Variants in SP100 observed in about 807,000 individuals in gnomAD.
The protein encoded by SP100 is nuclear autoantigen Sp-100.
A neutral mutation model predicts 130.0 loss-of-function variants in SP100; 84 were observed. The ratio of observed to expected loss-of-function variants is 0.65; its 90% CI spans 0.54 to 0.77. The LOEUF (loss-of-function observed/expected upper bound fraction) is 0.77, where lower values mean the gene tolerates loss of function less well. Ranked by LOEUF, SP100 falls within the 30% of genes least tolerant of loss-of-function variation. SP100 has a pLI of 0.00. For synonymous variants in SP100, 331 were observed against 351.7 expected (o/e 0.94, Z 0.66); for missense variants, 978 against 1,052.2 (o/e 0.93, Z 0.97).
chr2:230,468,691 G>A (rs564894890), intron 13 of SP100: 49 of 165,900 alleles, frequency 3.0e-4, no homozygotes, highest in African/African-American at 1.1e-3. Context: ...GGTGGTGCAT[G>A]CCTGTAGTCC....
At chr2:230,514,875 CT>C in intron 24 of SP100, 1 of 563,100 alleles carries the variant, frequency 1.8e-6, no homozygotes, top group African/African-American at 1.9e-5. Flanking sequence ...GTTTCTGGGC[CT>C]GTTGGGAAGG....
chr2:230,437,212 T>C (rs2063321257), intron 2 of SP100, among the ~76,000 whole-genome samples: 1 of 152,166 alleles, frequency 6.6e-6, no homozygotes, highest in Non-Finnish European at 1.5e-5. Context: ...CATGAATAGG[T>C]TTAAATACGT....
At chr2:230,501,126 C>A (rs1301109728) in intron 19 of SP100, among the ~76,000 whole-genome samples, 2 of 152,098 alleles carry the variant, frequency 1.3e-5, no homozygotes, top group Non-Finnish European at 2.9e-5. Context: ...CCTATAATCC[C>A]AGCTACTTGG....
At chr2:230,459,884 C>A (rs2064491932) in intron 8 of SP100, among the ~76,000 whole-genome samples, 1 of 152,142 alleles carries the variant, frequency 6.6e-6, no homozygotes. Context: ...CCAGTGCCTT[C>A]GTGTGGCCCT....
At chr2:230,516,874 T>C (rs956867130) in intron 24 of SP100, among the ~76,000 whole-genome samples, 1 of 152,222 alleles carries the variant, frequency 6.6e-6, no homozygotes, top group Non-Finnish European at 1.5e-5. Context: ...GAATCACGAC[T>C]GATAGTGTCC....
intron 8 of SP100, among the ~76,000 whole-genome samples, chr2:230,454,606 G>A (rs769048728): frequency 5.5e-4 from 84 of 151,976 alleles, no homozygotes; most frequent in African/African-American, 1.6e-3. Flanking sequence ...AAAATTCCTC[G>A]TTATTGATTT....
chr2:230,501,783 G>A (rs991404044), intron 19 of SP100, among the ~76,000 whole-genome samples: 8 of 152,302 alleles, frequency 5.3e-5, no homozygotes, highest in African/African-American at 9.6e-5. Flanking sequence ...CAGCAAACAC[G>A]TTTGAACGAT....
At chr2:230,418,547 A>G (rs1575578963) in intron 2 of SP100, among the ~76,000 whole-genome samples, 1 of 150,418 alleles carries the variant, frequency 6.6e-6, no homozygotes, top group Admixed American at 6.6e-5. Flanking sequence ...AGGGCAGGTC[A>G]CCCCAAACTT....
chr2:230,512,315 A>C (rs1357845138), intron 24 of SP100, among the ~76,000 whole-genome samples: 3 of 99,766 alleles, frequency 3.0e-5, no homozygotes, highest in African/African-American at 7.9e-5. Flanking sequence ...TTTGAGACGG[A>C]GTCTCGCTCC....
At chr2:230,444,668 G>T (rs550209992) in intron 4 of SP100, among the ~76,000 whole-genome samples, 2 of 152,326 alleles carry the variant, frequency 1.3e-5, no homozygotes, top group Admixed American at 6.5e-5. Context: ...CCTTGCAGTG[G>T]TCTACATAGC....
chr2:230,497,492 GA>G (rs1559520363), intron 18 of SP100, among the ~76,000 whole-genome samples: 4,961 of 24,396 alleles, frequency 0.2, 495 homozygotes, highest in Non-Finnish European at 0.22. Context: ...GGGAGGGGAG[GA>G]GAGGAGAGGA....
intron 17 of SP100, among the ~76,000 whole-genome samples, chr2:230,474,649 C>T (rs1291234206): frequency 6.6e-6 from 1 of 152,048 alleles, no homozygotes; most frequent in African/African-American, 2.4e-5. Context: ...AAGCATAGTA[C>T]CCAACAGATG....
intron 24 of SP100, among the ~76,000 whole-genome samples, chr2:230,519,294 A>C (rs1282443673): frequency 1.3e-5 from 2 of 152,206 alleles, no homozygotes; most frequent in Non-Finnish European, 2.9e-5. Flanking sequence ...TACCAATGTC[A>C]GTGGGAGATT....
At chr2:230,425,809 T>C (rs968600191) in intron 2 of SP100, among the ~76,000 whole-genome samples, 3 of 152,206 alleles carry the variant, frequency 2.0e-5, no homozygotes. Flanking sequence ...TAATTTTTTT[T>C]TTTGGAAGAG....
At chr2:230,494,703 C>T (rs537004919) in intron 18 of SP100, among the ~76,000 whole-genome samples, 4 of 152,236 alleles carry the variant, frequency 2.6e-5, no homozygotes, top group Admixed American at 2.6e-4. Context: ...ATGAGGTTTC[C>T]AACTGTGGGT....
At chr2:230,452,645 C>T (rs2064053680) in intron 8 of SP100, among the ~76,000 whole-genome samples, 1 of 152,058 alleles carries the variant, frequency 6.6e-6, no homozygotes, top group Non-Finnish European at 1.5e-5. Flanking sequence ...GTGCATATTT[C>T]ACCTCCTTAG....
At chr2:230,515,982 A>G (rs56391445) in intron 24 of SP100, 2 of 1,006,576 alleles carry the variant, frequency 2.0e-6, no homozygotes, top group Non-Finnish European at 2.4e-6. Context: ...TATACAAAAC[A>G]TTTGTTGTTC....
chr2:230,419,801 G>A (rs1406614233), intron 2 of SP100, among the ~76,000 whole-genome samples: 2 of 152,140 alleles, frequency 1.3e-5, no homozygotes, highest in African/African-American at 4.8e-5. Context: ...GCATCCACTG[G>A]GGTTCTTGGA....
At position 230,541,344 on chromosome 2, in the gene SP100, G is replaced by C. The variant is rs1692168355; in HGVS notation, c.2375G>C (p.Ser792Thr). The C allele has an allele frequency of 6.2e-7, 1 of 1,614,034 alleles. No homozygotes were observed. Among genetic ancestry groups the C allele is most frequent in the East Asian group, 2.2e-5 (1 of 44,890 alleles). ...TTGAAGGTCTACTGTGATTCGAAAA[G>C]CTGCTTTTTCGCCTCAGAACCGTAT... ...LLLKVYCDSK[S>T]CFFASEPYYN... Residue 792 changes from serine to threonine, a missense_variant, in exon 27 of 29, where the codon AGC (serine) becomes ACC (threonine). Transcript: ENST00000340126.
Sources: allele counts gnomAD v4.1 joint callset (sites outside exome capture counted in the v4.1 genomes callset), GRCh38; gene constraint gnomAD v4.1.1; transcripts MANE v1.5; gene names NCBI Gene and HGNC (gene_info 2026-07-23, HGNC 2026-07-21).